The following PITPNM2 variants were observed in gnomAD, a reference collection of about 807,000 sequenced individuals.
PITPNM2 encodes the protein phosphatidylinositol transfer protein membrane associated 2.
Under a neutral mutation model 132.2 loss-of-function variants are expected in PITPNM2, and 35 were observed. That is an observed-to-expected ratio of 0.26 (90% confidence interval 0.20 to 0.35). The LOEUF (loss-of-function observed/expected upper bound fraction) is 0.35. Ranked by LOEUF, PITPNM2 falls within the 10% of genes least tolerant of loss-of-function variation. The pLI is 1.00. For synonymous variants in PITPNM2, 738 were observed against 799.2 expected, an observed-to-expected ratio of 0.92 and a Z score of 1.29; for missense variants, 1,332 against 1,912.0, an observed-to-expected ratio of 0.70 and a Z score of 5.66.
chr12:123,048,699 A>C (rs577232678), intron 2 of PITPNM2, among the ~76,000 whole-genome samples: 5 of 152,148 alleles, frequency 3.3e-5, no homozygotes, highest in Non-Finnish European at 7.4e-5. Flanking sequence ...GGCGTGAGCC[A>C]CCGCGCCCGG....
intron 2 of PITPNM2, among the ~76,000 whole-genome samples, chr12:123,070,617 C>T (rs1040821378): frequency 6.6e-6 from 1 of 152,206 alleles, no homozygotes; most frequent in Non-Finnish European, 1.5e-5. Context: ...AGCAGAGCTG[C>T]CCATGGGATG....
chr12:123,118,910 G>A (rs1008880613), intron 1 of PITPNM2, among the ~76,000 whole-genome samples: 7 of 152,310 alleles, frequency 4.6e-5, no homozygotes, highest in African/African-American at 1.2e-4. Context: ...TGGCCCTTCC[G>A]CAAATACTGT....
At position 122,992,677 on chromosome 12, in the gene PITPNM2, TG is replaced by T; in HGVS notation, c.2234-9del. 2 of 1,453,334 alleles carry T rather than the reference TG, an allele frequency of 1.4e-6. No homozygotes were observed. Among genetic ancestry groups the T allele is most frequent in the East Asian group, 2.9e-5 (1 of 34,494 alleles). The allele number at this position is 1,453,334 out of a possible 1,614,324, so 90.0% of individuals were successfully genotyped here. On this transcript the variant is annotated splice_polypyrimidine_tract_variant and intron_variant, in intron 15 of 25. Coordinates refer to ENST00000320201, the MANE Select transcript of PITPNM2 (RefSeq NM_020845.3). The surrounding 1 kb of genome is among the most constrained non-coding windows in gnomAD (Gnocchi z 6.5). ...CCGGCCGCAGCTGGAAAACTGGGGG[TG>T]GGGGTGTTGGCTGCAGAGCTGGGGC...
At chr12:122,989,764 G>A (rs770169620) in intron 18 of PITPNM2, 23 bp downstream of exon 18, 14 of 1,373,016 alleles carry the variant, frequency 1.0e-5, no homozygotes, top group African/African-American at 1.5e-5. Flanking sequence ...CCCCCAGTGA[G>A]GGGAAAGTGT....
intron 10 of PITPNM2, among the ~76,000 whole-genome samples, chr12:122,998,483 C>T (rs955733024): frequency 1.3e-5 from 2 of 152,238 alleles, no homozygotes; most frequent in African/African-American, 4.8e-5. Flanking sequence ...CCAGGCCAGG[C>T]TGTGGCCCTG....
At chr12:123,110,086 T>C (rs1052480013) in intron 2 of PITPNM2, among the ~76,000 whole-genome samples, 5 of 152,094 alleles carry the variant, frequency 3.3e-5, no homozygotes, top group Admixed American at 2.6e-4. Flanking sequence ...GCCTCCCCAG[T>C]AGCTGGGACT....
At chr12:123,063,760 T>C (rs2041324175) in intron 2 of PITPNM2, among the ~76,000 whole-genome samples, 1 of 152,160 alleles carries the variant, frequency 6.6e-6, no homozygotes, top group Non-Finnish European at 1.5e-5. Context: ...GAACTCAGGC[T>C]TTGACATCAG....
At chr12:123,034,486 A>G (rs757864157) in intron 3 of PITPNM2, 27 bp downstream of exon 3, 142 of 1,587,992 alleles carry the variant, frequency 8.9e-5, no homozygotes, top group Non-Finnish European at 1.2e-4. Context: ...CCCTCACCCC[A>G]TGACCCACCC....
intron 1 of PITPNM2, among the ~76,000 whole-genome samples, chr12:123,123,851 G>GGGA (rs2043079094): frequency 6.6e-6 from 1 of 151,068 alleles, no homozygotes; most frequent in African/African-American, 2.4e-5. Context: ...CACAAGAATC[G>GGGA]CCTGAACCCA....
intron 20 of PITPNM2, 29 bp downstream of exon 20, chr12:122,988,205 G>A: frequency 6.3e-7 from 1 of 1,576,046 alleles, no homozygotes; most frequent in African/African-American, 1.3e-5. Flanking sequence ...GTGACATCGT[G>A]GGGGCCTGGG....
Position 123,108,321 on chromosome 12 carries a change from C to T in PITPNM2, c.-96+2064G>A, listed in dbSNP as rs889485929. Among the ~76,000 whole-genome samples, 3 of 152,168 alleles carry T rather than the reference C, an allele frequency of 2.0e-5. No individual in the cohort carries two copies. Among genetic ancestry groups the T allele is most frequent in the Admixed American group, 2.0e-4 (3 of 15,286 alleles). On this transcript the variant is annotated intron_variant, in intron 2 of 25. Transcript: ENST00000320201. The surrounding 1 kb of genome is among the most constrained non-coding windows in gnomAD (Gnocchi z 4.4). Reference sequence around the variant, plus strand: ...TGCAAGGCCATGGTCTCTGCAAAGCCACTGCACTCTGGAATGCAGTTGTTA... The same window carrying T: ...TGCAAGGCCATGGTCTCTGCAAAGCTACTGCACTCTGGAATGCAGTTGTTA...
At chr12:123,110,117 C>T (rs573509174) in intron 2 of PITPNM2, among the ~76,000 whole-genome samples, 1 of 152,138 alleles carries the variant, frequency 6.6e-6, no homozygotes, top group South Asian at 2.1e-4. Flanking sequence ...GGCACCTCAC[C>T]CAGTTAATTT....
rs1566236962 is a variant in PITPNM2, at chr12:122,997,549, A to G, written c.1248T>C (p.Ala416=). 3 of 1,612,112 alleles carry G rather than the reference A, an allele frequency of 1.9e-6. No individual in the cohort carries two copies. The highest frequency in any genetic ancestry group is 2.5e-6 in the Non-Finnish European group (3 of 1,179,094). ...IIEDEVSQPL[A]APPSKIHVLL... The stretch of plus-strand genomic sequence containing the variant: ...GCACGTGGATCTTGGAGGGCGGTGC[A>G]GCCAGCGGCTGGCTAACCTCGTCCT... The change falls in exon 11 of 26, where the codon GCT becomes GCC. Residue 416 remains alanine, a synonymous_variant. Coordinates refer to ENST00000320201, the MANE Select transcript of PITPNM2 (RefSeq NM_020845.3).
rs1281451416 is a variant in PITPNM2, at chr12:123,106,125, C to T, written c.-96+4260G>A. The stretch of plus-strand genomic sequence containing the variant: ...ACAGGCCCCCTGCTTCTTCTCTTCA[C>T]CCCAGATAGCCTGCTCTCAACACGG... On this transcript the variant is annotated intron_variant, in intron 2 of 25. Coordinates refer to ENST00000320201, the MANE Select transcript of PITPNM2 (RefSeq NM_020845.3). This position sits in a 1 kb window ranked among gnomAD's most constrained non-coding sequence, Gnocchi z 4.4. 6.6e-6 allele frequency among the ~76,000 whole-genome samples: 1 copy of T among 152,230 alleles called. No individual in the cohort carries two copies. The highest frequency in any genetic ancestry group is 1.9e-4 in the East Asian group (1 of 5,200).
rs1031395799 is a variant in PITPNM2, at chr12:123,095,609, G to A, written c.-96+14776C>T. Among the ~76,000 whole-genome samples, 1 of 151,854 alleles carries A rather than the reference G, an allele frequency of 6.6e-6. No homozygotes were observed. Among genetic ancestry groups the A allele is most frequent in the Non-Finnish European group, 1.5e-5 (1 of 67,988 alleles). ...ACTTCTCTGAGTAAAGGCCCTCAAC[G>A]CTCCCCTTGGGTTTCAAGGCGACAT... is the stretch of plus-strand genomic sequence containing the variant. On this transcript the variant is annotated intron_variant, in intron 2 of 25. Coordinates refer to ENST00000320201, the MANE Select transcript of PITPNM2 (RefSeq NM_020845.3). This position sits in a 1 kb window ranked among gnomAD's most constrained non-coding sequence, Gnocchi z 5.0.
chr12:122,990,077 C>T (rs1382472653), intron 17 of PITPNM2, 129 bp from the exon 18 acceptor site: 35 of 767,810 alleles, frequency 4.6e-5, no homozygotes, highest in Non-Finnish European at 6.3e-5. Context: ...CATTGGCCCT[C>T]CTCACGGATG....
rs1401929725 is a variant in PITPNM2 at position 123,106,925 on chromosome 12, G to A, written c.-96+3460C>T. On this transcript the variant is annotated intron_variant, in intron 2 of 25. Coordinates refer to ENST00000320201, the MANE Select transcript of PITPNM2 (RefSeq NM_020845.3). The surrounding 1 kb of genome is among the most constrained non-coding windows in gnomAD (Gnocchi z 4.4). ...TTCCCATGTGGGACTAGGGCTGCCTGAGAGGAGGGACTAGGAAGCAAGGCC... is the reference window on the plus strand; with the variant it reads ...TTCCCATGTGGGACTAGGGCTGCCTAAGAGGAGGGACTAGGAAGCAAGGCC... Among the ~76,000 whole-genome samples, 1 of 152,244 alleles carries A rather than the reference G, an allele frequency of 6.6e-6. No individual in the cohort carries two copies. Among genetic ancestry groups the A allele is most frequent in the African/African-American group, 2.4e-5 (1 of 41,474 alleles).
chr12:123,119,649 C>T (rs1454021475), intron 1 of PITPNM2, among the ~76,000 whole-genome samples: 1 of 152,096 alleles, frequency 6.6e-6, no homozygotes, highest in Non-Finnish European at 1.5e-5. Context: ...TGAGCCACCG[C>T]GCCTGGCTGA....
chr12:123,012,790 T>C (rs1322965071), intron 4 of PITPNM2, 56 bp from the exon 5 acceptor site: 2 of 1,596,190 alleles, frequency 1.3e-6, no homozygotes, highest in African/African-American at 2.7e-5. Flanking sequence ...CCCAGTGTCC[T>C]GGCCAGGGCC....
Sources: allele counts gnomAD v4.1 joint callset (sites outside exome capture counted in the v4.1 genomes callset), GRCh38; gene constraint gnomAD v4.1.1; non-coding constraint Gnocchi (gnomAD v3.1); transcripts MANE v1.5; gene names NCBI Gene and HGNC (gene_info 2026-07-23, HGNC 2026-07-21).